The following APBB2 variants were observed in gnomAD, a reference collection of about 807,000 sequenced individuals.
The protein encoded by APBB2 is Fe65-like 1.
A neutral mutation model predicts 82.5 loss-of-function variants in APBB2; 38 were observed. The ratio of observed to expected loss-of-function variants is 0.46; its 90% CI spans 0.36 to 0.60. The LOEUF (loss-of-function observed/expected upper bound fraction) is 0.60, where lower values mean the gene tolerates loss of function less well. Among genes scored for constraint, APBB2 ranks in the 20% least tolerant of loss-of-function variants. The pLI is 0.00. For synonymous variants in APBB2, 341 were observed against 368.2 expected (o/e 0.93, Z 0.85); for missense variants, 772 against 972.3 (o/e 0.79, Z 2.74).
chr4:40,958,818 C>G (rs1364977343), intron 6 of APBB2, among the ~76,000 whole-genome samples: 1 of 152,164 alleles, frequency 6.6e-6, no homozygotes, highest in Non-Finnish European at 1.5e-5. Context: ...GCTGGCCAGG[C>G]TGGTCTTGAA....
At position 41,071,533 on chromosome 4, in the gene APBB2, T is replaced by G. The variant is rs372496480; in HGVS notation, c.-148-5860A>C. The stretch of plus-strand genomic sequence containing the variant: ...CCATCTCTACTAAAAATACAAAAAT[T>G]AGCCAGGCGTGGTGGCGGGCACCTG... On this transcript the variant is annotated intron_variant, in intron 3 of 17. Transcript: ENST00000508593. Among the ~76,000 whole-genome samples, 67 of 152,062 alleles carry G rather than the reference T, an allele frequency of 4.4e-4. No individual in the cohort carries two copies. The South Asian group carries it at 0.014, about 32-fold the overall frequency.
At chr4:40,949,491 G>A (rs537441391) in intron 6 of APBB2, among the ~76,000 whole-genome samples, 10 of 152,058 alleles carry the variant, frequency 6.6e-5, no homozygotes, top group African/African-American at 2.2e-4. Flanking sequence ...TCAAGTTATC[G>A]AAATACCAAG....
At chr4:40,950,555 T>G (rs1196791528) in intron 6 of APBB2, among the ~76,000 whole-genome samples, 6 of 152,112 alleles carry the variant, frequency 3.9e-5, no homozygotes, top group Non-Finnish European at 8.8e-5. Flanking sequence ...TACTAAAAAT[T>G]TTTCAAAATT....
At chr4:40,951,921 G>C (rs529880529) in intron 6 of APBB2, among the ~76,000 whole-genome samples, 1 of 151,998 alleles carries the variant, frequency 6.6e-6, no homozygotes, top group African/African-American at 2.4e-5. Context: ...AAAGCAAAAA[G>C]ATCTCTGTAA....
Position 40,811,313 on chromosome 4 carries a change from G to GGA in APBB2, c.*4777_*4778dup, listed in dbSNP as rs1744356228. The GGA allele has an allele frequency of 6.6e-6, 1 of 152,144 alleles. No individual in the cohort carries two copies. The highest frequency in any genetic ancestry group is 1.5e-5 in the Non-Finnish European group (1 of 68,038). 9.4% of individuals were successfully genotyped at this position (152,144 alleles called of 1,614,324 possible). On this transcript the variant is annotated 3_prime_UTR_variant, in exon 18 of 18. Coordinates refer to ENST00000508593, the MANE Select transcript of APBB2 (RefSeq NM_004307.2). ...CGGACGTGGTGGCTCACATACTTTG[G>GGA]GAGGTTGGGGCGGGCGGATCACCTG...
At chr4:40,887,507 C>T (rs780744403) in intron 12 of APBB2, among the ~76,000 whole-genome samples, 1 of 151,628 alleles carries the variant, frequency 6.6e-6, no homozygotes, top group Non-Finnish European at 1.5e-5. Flanking sequence ...TCCTTTGCAA[C>T]ATTACAAATT....
intron 17 of APBB2, among the ~76,000 whole-genome samples, chr4:40,817,506 G>T (rs1190446081): frequency 6.6e-6 from 1 of 152,090 alleles, no homozygotes; most frequent in Admixed American, 6.6e-5. Context: ...ACCAAACACA[G>T]ATTGAAAATA....
chr4:40,882,832 G>A (rs1474400462), intron 12 of APBB2, among the ~76,000 whole-genome samples: 1 of 152,192 alleles, frequency 6.6e-6, no homozygotes, highest in African/African-American at 2.4e-5. Flanking sequence ...ACACTGCGTC[G>A]GAACGTTAGC....
At chr4:41,005,262 G>T (rs976258971) in intron 6 of APBB2, among the ~76,000 whole-genome samples, 1 of 151,982 alleles carries the variant, frequency 6.6e-6, no homozygotes, top group Non-Finnish European at 1.5e-5. Flanking sequence ...AACTAATTTT[G>T]TATTTTTAGT....
At chr4:40,895,574 A>T (rs1284489468) in intron 10 of APBB2, among the ~76,000 whole-genome samples, 1 of 152,210 alleles carries the variant, frequency 6.6e-6, no homozygotes, top group Admixed American at 6.5e-5. Context: ...TGTGTTGGAT[A>T]TTCCACAGAA....
intron 10 of APBB2, among the ~76,000 whole-genome samples, chr4:40,931,107 T>C (rs867973434): frequency 1.3e-5 from 2 of 152,192 alleles, no homozygotes; most frequent in Admixed American, 6.5e-5. Flanking sequence ...TCCTTGGTTC[T>C]TGGTGGACTG....
At chr4:41,192,632 T>C (rs1774785630) in intron 1 of APBB2, among the ~76,000 whole-genome samples, 1 of 152,076 alleles carries the variant, frequency 6.6e-6, no homozygotes, top group Non-Finnish European at 1.5e-5. Context: ...AACAGTGGAA[T>C]GGAATGGGGG....
chr4:40,846,279 A>G lies in APBB2; in HGVS notation c.1530-15702T>C, dbSNP rs76339654. 1.3e-3 allele frequency among the ~76,000 whole-genome samples: 200 copies of G among 149,416 alleles called. 2 individuals carry two copies. The East Asian group carries it at 0.02, about 15-fold the overall frequency. On this transcript the variant is annotated intron_variant, in intron 12 of 17. Transcript: ENST00000508593. The stretch of plus-strand genomic sequence containing the variant: ...AGGGGAGCTCCACGAGGAGAAAGGA[A>G]AGGTTCCTGACCTGTTTTGGATCAA...
chr4:41,071,878 T>C (rs1332094799), intron 3 of APBB2, among the ~76,000 whole-genome samples: 1 of 152,098 alleles, frequency 6.6e-6, no homozygotes, highest in Non-Finnish European at 1.5e-5. Flanking sequence ...CTTTGTTTGG[T>C]GACACAGGAT....
At chr4:41,113,475 AG>A (rs1258179011) in intron 2 of APBB2, among the ~76,000 whole-genome samples, 1 of 152,190 alleles carries the variant, frequency 6.6e-6, no homozygotes, top group Non-Finnish European at 1.5e-5. Context: ...TAGTATTGAA[AG>A]TTCTGGCCAG....
chr4:40,869,698 G>A (rs1013210954), intron 12 of APBB2, among the ~76,000 whole-genome samples: 4 of 141,048 alleles, frequency 2.8e-5, no homozygotes, highest in East Asian at 2.1e-4. Flanking sequence ...AGGAATATAC[G>A]TGAAATGAAA....
chr4:41,157,305 A>G (rs1243777267), intron 1 of APBB2, among the ~76,000 whole-genome samples: 1 of 152,158 alleles, frequency 6.6e-6, no homozygotes, highest in Non-Finnish European at 1.5e-5. Context: ...ACTCTCTTCC[A>G]GGCTGCAAAG....
At chr4:41,132,616 C>T (rs1756374888) in intron 2 of APBB2, among the ~76,000 whole-genome samples, 1 of 152,218 alleles carries the variant, frequency 6.6e-6, no homozygotes, top group Admixed American at 6.5e-5. Flanking sequence ...CACCTTCAAA[C>T]ACACTTCAGC....
chr4:40,883,367 AC>A (rs1048094968), intron 12 of APBB2, among the ~76,000 whole-genome samples: 2 of 152,102 alleles, frequency 1.3e-5, no homozygotes, highest in African/African-American at 4.8e-5. Context: ...AGGGCAGATC[AC>A]CTGATGTCAG....
Sources: gnomAD v4.1 joint callset for allele counts (sites outside exome capture counted in the v4.1 genomes callset) on GRCh38, gnomAD v4.1.1 for gene constraint, MANE v1.5 for transcripts, NCBI Gene and HGNC (gene_info 2026-07-23, HGNC 2026-07-21) for gene names.